The following PEX5L variants were observed in gnomAD, a reference collection of about 807,000 sequenced individuals.
The protein encoded by PEX5L is PEX5-related protein.
A neutral mutation model predicts 84.0 loss-of-function variants in PEX5L; 30 were observed. The ratio of observed to expected loss-of-function variants is 0.36; its 90% CI spans 0.27 to 0.48. The LOEUF (loss-of-function observed/expected upper bound fraction) is 0.48, where lower values mean the gene tolerates loss of function less well. PEX5L is among the 20% of genes least tolerant of loss of function. PEX5L has a pLI of 0.99. For synonymous variants in PEX5L, 270 were observed against 283.1 expected (o/e 0.95, Z 0.46); for missense variants, 533 against 754.6 (o/e 0.71, Z 3.44).
At chr3:179,851,911 G>A (rs1742053324) in intron 8 of PEX5L, among the ~76,000 whole-genome samples, 2 of 152,188 alleles carry the variant, frequency 1.3e-5, no homozygotes, top group South Asian at 4.1e-4. Context: ...CATCCAGAAT[G>A]AATGAATACA....
intron 1 of PEX5L, among the ~76,000 whole-genome samples, chr3:179,993,024 T>G (rs1787530445): frequency 6.6e-6 from 1 of 151,666 alleles, no homozygotes; most frequent in Non-Finnish European, 1.5e-5. Flanking sequence ...TGGATAACAC[T>G]TAAAAAAAAA....
At position 179,970,341 on chromosome 3, in the gene PEX5L, A is replaced by T. The variant is rs765346230; in HGVS notation, c.93+1253T>A. On this transcript the variant is annotated intron_variant, in intron 2 of 14. Transcript: ENST00000467460. ...GATCAGACATAGACTGCATGCCCCA[A>T]GTATTTAATCTGGCATAAAGTGATA... Among the ~76,000 whole-genome samples the T allele has an allele frequency of 4.3e-4, 66 of 152,174 alleles. 1 individual carries two copies. The highest frequency in any genetic ancestry group is 3.4e-3 in the Middle Eastern group (1 of 294).
At chr3:179,934,712 C>T (rs945125645) in intron 2 of PEX5L, among the ~76,000 whole-genome samples, 3 of 152,004 alleles carry the variant, frequency 2.0e-5, no homozygotes, top group South Asian at 2.1e-4. Flanking sequence ...TTCCCTATGC[C>T]GTTTATTACT....
chr3:179,875,254 T>G, intron 6 of PEX5L, 100 bp downstream of exon 6: 1 of 1,093,270 alleles, frequency 9.1e-7, no homozygotes, highest in Non-Finnish European at 1.4e-6. Flanking sequence ...GGGTTACATG[T>G]GATGCCAAGT....
chr3:179,832,765 G>A (rs1315828064), intron 8 of PEX5L, among the ~76,000 whole-genome samples: 2 of 138,190 alleles, frequency 1.4e-5, no homozygotes, highest in African/African-American at 5.6e-5. Context: ...CCTACCCACC[G>A]ATCTACCTAC....
chr3:179,966,561 T>C (rs1783392865), intron 2 of PEX5L, among the ~76,000 whole-genome samples: 1 of 152,150 alleles, frequency 6.6e-6, no homozygotes, highest in Non-Finnish European at 1.5e-5. Flanking sequence ...GGTAGGACTA[T>C]CTATTAGCAC....
chr3:179,893,166 G>A (rs1758112358), intron 3 of PEX5L, among the ~76,000 whole-genome samples: 1 of 151,990 alleles, frequency 6.6e-6, no homozygotes, highest in East Asian at 1.9e-4. Context: ...TACTCAGACT[G>A]GCCAGCTGAT....
intron 2 of PEX5L, among the ~76,000 whole-genome samples, chr3:179,940,922 G>A (rs1775908094): frequency 6.6e-6 from 1 of 152,216 alleles, no homozygotes; most frequent in Admixed American, 6.5e-5. Context: ...GAAGAGTCTT[G>A]AGCTACCTCT....
intron 1 of PEX5L, chr3:179,973,416 CA>C: frequency 1.8e-6 from 2 of 1,109,558 alleles, no homozygotes; most frequent in Non-Finnish European, 2.2e-6. Flanking sequence ...TTGGCTAGCA[CA>C]AAAAACTCAC....
Position 179,905,397 on chromosome 3 carries a change from C to T in PEX5L, c.94-7151G>A, listed in dbSNP as rs553465098. On this transcript the variant is annotated intron_variant, in intron 2 of 14. Coordinates refer to ENST00000467460, the MANE Select transcript of PEX5L (RefSeq NM_016559.3). ...AAGCCATTCTCCTGCCTCAGTCTCCCGAGTAGCTGGAACTACAGGCGCCCG... is the reference window on the plus strand; with the variant it reads ...AAGCCATTCTCCTGCCTCAGTCTCCTGAGTAGCTGGAACTACAGGCGCCCG... 2.6e-5 allele frequency among the ~76,000 whole-genome samples: 4 copies of T among 152,120 alleles called. No homozygotes were observed. In the East Asian group the frequency reaches 7.7e-4, roughly 29 times the overall value.
At chr3:179,827,283 C>T (rs73885953) in intron 8 of PEX5L, among the ~76,000 whole-genome samples, 3,607 of 152,282 alleles carry the variant, frequency 0.024, 149 homozygotes, top group African/African-American at 0.083. Flanking sequence ...CTACCTCTTC[C>T]TGAGGACACT....
At chr3:179,979,952 T>A (rs1473164762) in intron 1 of PEX5L, among the ~76,000 whole-genome samples, 6 of 152,142 alleles carry the variant, frequency 3.9e-5, no homozygotes, top group African/African-American at 1.4e-4. Context: ...GCCACTGACT[T>A]CCTTTTAACA....
chr3:179,916,102 T>C (rs1766977065), intron 2 of PEX5L, among the ~76,000 whole-genome samples: 1 of 152,202 alleles, frequency 6.6e-6, no homozygotes, highest in Non-Finnish European at 1.5e-5. Context: ...ATCTAAAATA[T>C]GCCAGGTGTT....
chr3:180,011,737 T>C (rs953260884), intron 1 of PEX5L, among the ~76,000 whole-genome samples: 3 of 152,226 alleles, frequency 2.0e-5, no homozygotes, highest in Admixed American at 2.0e-4. Flanking sequence ...GACAGTGAGC[T>C]ATCCCTCACT....
At chr3:179,865,369 T>C (rs911867036) in intron 7 of PEX5L, among the ~76,000 whole-genome samples, 1 of 152,158 alleles carries the variant, frequency 6.6e-6, no homozygotes, top group African/African-American at 2.4e-5. Context: ...AACAGGCAGT[T>C]TTCGAATAGC....
At chr3:179,807,967 A>T in intron 13 of PEX5L, 136 bp from the exon 14 acceptor site, 1 of 760,044 alleles carries the variant, frequency 1.3e-6, no homozygotes, top group Non-Finnish European at 2.1e-6. Context: ...GGCCAGGTGA[A>T]TTACTAAAAA....
chr3:179,863,422 T>C (rs1464745506), intron 7 of PEX5L, among the ~76,000 whole-genome samples: 1 of 151,954 alleles, frequency 6.6e-6, no homozygotes, highest in Non-Finnish European at 1.5e-5. Flanking sequence ...TAGGAGAAAA[T>C]ATTTGCTAAC....
intron 1 of PEX5L, among the ~76,000 whole-genome samples, chr3:179,981,155 G>T (rs1164793023): frequency 6.6e-6 from 1 of 152,138 alleles, no homozygotes; most frequent in African/African-American, 2.4e-5. Context: ...CTAATGAGGA[G>T]GATGGGGTGG....
At chr3:180,020,001 G>A (rs1318249397) in intron 1 of PEX5L, among the ~76,000 whole-genome samples, 2 of 152,094 alleles carry the variant, frequency 1.3e-5, no homozygotes, top group Non-Finnish European at 2.9e-5. Context: ...AATTTGAGAT[G>A]GTCAGAGAGA....
Sources: gnomAD v4.1 joint callset for allele counts (sites outside exome capture counted in the v4.1 genomes callset) on GRCh38, gnomAD v4.1.1 for gene constraint, MANE v1.5 for transcripts, NCBI Gene and HGNC (gene_info 2026-07-23, HGNC 2026-07-21) for gene names.